COL9A3: variants seen among roughly 807,000 people sequenced by gnomAD.
The protein encoded by COL9A3 is collagen alpha-3(IX) chain.
COL9A3 carries 82 observed loss-of-function variants against 110.2 expected under a neutral mutation model. That is an observed-to-expected ratio of 0.74 (90% confidence interval 0.62 to 0.89). The LOEUF (loss-of-function observed/expected upper bound fraction) is 0.89, where lower values mean the gene tolerates loss of function less well. Ranked by LOEUF, COL9A3 falls within the 40% of genes least tolerant of loss-of-function variation. The pLI is 0.00. For synonymous variants in COL9A3, 494 were observed against 403.8 expected (o/e 1.22, Z -2.68); for missense variants, 1,066 against 981.3 (o/e 1.09, Z -1.15).
At chr20:62,838,376 CTG>C (rs1402468900) in intron 30 of COL9A3, among the ~76,000 whole-genome samples, 2 of 152,200 alleles carry the variant, frequency 1.3e-5, no homozygotes, top group Non-Finnish European at 2.9e-5. Flanking sequence ...TGGTGGGTAT[CTG>C]TGTTAAATAC....
rs756547340 is a variant in COL9A3, at chr20:62,829,624, A to G, written c.1054-4A>G. The G allele has an allele frequency of 1.9e-6, 3 of 1,610,042 alleles. No homozygotes were observed. The highest frequency in any genetic ancestry group is 4.5e-5 in the East Asian group (2 of 44,770). On this transcript the variant is annotated splice_polypyrimidine_tract_variant and splice_region_variant and intron_variant, in intron 20 of 31. Transcript: ENST00000649368. ...AGGCACTCACAGCTCTCCTTCCTCT[A>G]CAGGGCAGAGCTGGGGAGCTGGGTG...
chr20:62,817,364 C>T, intron 1 of COL9A3: 2 of 523,016 alleles, frequency 3.8e-6, no homozygotes, highest in Non-Finnish European at 3.2e-6. Context: ...TCTGGGAGCA[C>T]AAGGGGGCCT....
At chr20:62,820,175 C>T (rs1991073539) in intron 5 of COL9A3, among the ~76,000 whole-genome samples, 193 bp downstream of exon 5, 2 of 151,968 alleles carry the variant, frequency 1.3e-5, no homozygotes, top group African/African-American at 4.8e-5. Context: ...CCTGCCTCAC[C>T]TCCACGTATG....
chr20:62,838,941 G>A (rs752589454), intron 31 of COL9A3, among the ~76,000 whole-genome samples, 180 bp downstream of exon 31: 11 of 152,070 alleles, frequency 7.2e-5, no homozygotes, highest in East Asian at 1.9e-4. Flanking sequence ...AAGTTTAATC[G>A]GGGCTGGGCG....
rs543868483 is a variant in COL9A3, at chr20:62,830,541, C to G, written c.1240C>G (p.Pro414Ala). 1.2e-6 allele frequency: 2 copies of G among 1,608,418 alleles called. No homozygotes were observed. The highest frequency in any genetic ancestry group is 1.1e-5 in the South Asian group (1 of 90,136). ...GGGCCAGAAGGGCAGCATGGGAGAC[C>G]CCGGCCTTCCAGGCCCCCAGGGCCT... Reference protein sequence around the residue: ...FQGQKGSMGDPGLPGPQGLRG... With the variant: ...FQGQKGSMGDAGLPGPQGLRG... The change falls in exon 24 of 32, where the codon CCC becomes GCC. Residue 414 changes from proline (P) to alanine (A), a missense_variant. Physicochemically the swap from Pro to Ala is conservative, Grantham distance 27. Transcript: ENST00000649368.
intron 4 of COL9A3, 78 bp from the exon 5 acceptor site, chr20:62,819,851 C>G: frequency 1.3e-6 from 2 of 1,521,886 alleles, no homozygotes; most frequent in East Asian, 4.5e-5. Flanking sequence ...AGGGAAGGGT[C>G]CGTGCTTCCA....
intron 31 of COL9A3, 29 bp downstream of exon 31, chr20:62,838,790 C>T: frequency 1.3e-6 from 2 of 1,526,930 alleles, no homozygotes; most frequent in Non-Finnish European, 1.8e-6. Context: ...CAAGGCTTCA[C>T]TGGGTGACAT....
intron 1 of COL9A3, 95 bp downstream of exon 1, chr20:62,817,237 GC>G: frequency 6.5e-6 from 6 of 921,912 alleles, no homozygotes; most frequent in South Asian, 3.9e-5. Flanking sequence ...CAGCCTCGAC[GC>G]CCCCAGCCCG....
Position 62,825,010 on chromosome 20 carries a change from G to C in COL9A3, c.619G>C (p.Asp207His). ...YKGEQGEVGK[D>H]GEKGDPGPPG... ...AGGCGAGCAGGGGGAAGTCGGCAAG[G>C]ACGGCGAGAAGGTGAAGCTGCCGCA... The change falls in exon 12 of 32, where the codon GAC becomes CAC. Residue 207 changes from aspartate to histidine, a missense_variant. Transcript: ENST00000649368. The C allele has an allele frequency of 6.2e-7, 1 of 1,609,826 alleles. No homozygotes were observed. Among genetic ancestry groups the C allele is most frequent in the East Asian group, 2.2e-5 (1 of 44,708 alleles).
intron 9 of COL9A3, 30 bp downstream of exon 9, chr20:62,822,194 G>C (rs112634505): frequency 7.3e-6 from 10 of 1,364,102 alleles, no homozygotes; most frequent in African/African-American, 5.7e-5. Context: ...TCTAAGAAGT[G>C]CTGGGCATGG....
At chr20:62,840,101 A>G (rs1172452122) in intron 31 of COL9A3, among the ~76,000 whole-genome samples, 1 of 151,742 alleles carries the variant, frequency 6.6e-6, no homozygotes, top group Non-Finnish European at 1.5e-5. Context: ...TTGTCACCTC[A>G]TCTCAGTGAA....
At chr20:62,829,702 A>G in intron 21 of COL9A3, 21 bp downstream of exon 21, 1 of 1,603,984 alleles carries the variant, frequency 6.2e-7, no homozygotes, top group South Asian at 1.1e-5. Flanking sequence ...GCGGCGCCCC[A>G]GACCCCTCCC....
intron 3 of COL9A3, 97 bp downstream of exon 3, chr20:62,818,650 C>A: frequency 7.4e-7 from 1 of 1,353,614 alleles, no homozygotes; most frequent in Non-Finnish European, 1.1e-6. Context: ...CTCATCCTGC[C>A]GGAGCCCGGG....
upstream of COL9A3, among the ~76,000 whole-genome samples, chr20:62,816,566 T>C (rs1042950966): frequency 7.9e-5 from 12 of 152,292 alleles, no homozygotes; most frequent in African/African-American, 2.6e-4. Context: ...AGGGCTGCGC[T>C]GGGCACTGAC....
chr20:62,834,929 T>C (rs1044771769), intron 26 of COL9A3, among the ~76,000 whole-genome samples: 4 of 152,316 alleles, frequency 2.6e-5, no homozygotes, highest in East Asian at 3.9e-4. Context: ...GTGAGCCACC[T>C]CGCCCAGCCC....
At chr20:62,839,000 G>A (rs756956457) in intron 31 of COL9A3, among the ~76,000 whole-genome samples, 11 of 152,144 alleles carry the variant, frequency 7.2e-5, no homozygotes, top group Non-Finnish European at 1.5e-4. Context: ...TGAGGCAGAC[G>A]GATAACCTGA....
At chr20:62,819,186 C>G (rs768383885) in intron 3 of COL9A3, 36 bp from the exon 4 acceptor site, 1 of 1,602,722 alleles carries the variant, frequency 6.2e-7, no homozygotes, top group South Asian at 1.1e-5. Flanking sequence ...CAGGCCAGAC[C>G]CCGCCTTCAC....
At chr20:62,829,529 G>A in intron 20 of COL9A3, 30 bp downstream of exon 20, 3 of 1,612,032 alleles carry the variant, frequency 1.9e-6, no homozygotes, top group Non-Finnish European at 2.5e-6. Flanking sequence ...TTCTCTCTGG[G>A]AGGGGAGGCG....
intron 20 of COL9A3, 34 bp from the exon 21 acceptor site, chr20:62,829,594 T>C (rs1243576763): frequency 1.2e-6 from 2 of 1,610,478 alleles, no homozygotes; most frequent in African/African-American, 2.7e-5. Context: ...AGTGCAGGTG[T>C]AGGCAGGCAC....
Sources: gnomAD v4.1 joint callset for allele counts (sites outside exome capture counted in the v4.1 genomes callset) on GRCh38, gnomAD v4.1.1 for gene constraint, MANE v1.5 for transcripts, NCBI Gene and HGNC (gene_info 2026-07-23, HGNC 2026-07-21) for gene names.